HSD11B1: variants seen among roughly 807,000 people sequenced by gnomAD.
HSD11B1 encodes 11-beta-hydroxysteroid dehydrogenase 1.
Under a neutral mutation model 22.1 loss-of-function variants are expected in HSD11B1, and 15 were observed. The ratio of observed to expected loss-of-function variants is 0.68; its 90% confidence interval spans 0.45 to 1.04. HSD11B1 has a LOEUF of 1.04. Among genes scored for constraint, HSD11B1 ranks in the 50% least tolerant of loss-of-function variants. The probability of loss-of-function intolerance (pLI) is 0.00; values close to 1 mark genes in which losing one functional copy is unlikely to be tolerated. For missense variants in HSD11B1, 281 were observed against 357.6 expected, an observed-to-expected ratio of 0.79 and a Z score of 1.73; for synonymous variants, 122 against 125.2, an observed-to-expected ratio of 0.97 and a Z score of 0.17.
chr1:209,714,440 G>A (rs1016644690), intron 4 of HSD11B1, among the ~76,000 whole-genome samples: 1 of 152,198 alleles, frequency 6.6e-6, no homozygotes, highest in Non-Finnish European at 1.5e-5. Context: ...ATTCCCTGGA[G>A]CTAACAAATT....
intron 1 of HSD11B1, among the ~76,000 whole-genome samples, chr1:209,699,841 G>A (rs1021203211): frequency 6.6e-6 from 1 of 152,184 alleles, no homozygotes; most frequent in African/African-American, 2.4e-5. Flanking sequence ...CCAAATGGGA[G>A]AAATTGGCCA....
At chr1:209,692,490 T>C (rs947196766) in intron 1 of HSD11B1, among the ~76,000 whole-genome samples, 4 of 151,726 alleles carry the variant, frequency 2.6e-5, no homozygotes, top group Admixed American at 6.6e-5. Context: ...AGGAGGGTTC[T>C]GGCTGAAAGG....
At chr1:209,712,527 C>T (rs998383960) in intron 4 of HSD11B1, among the ~76,000 whole-genome samples, 2 of 152,098 alleles carry the variant, frequency 1.3e-5, no homozygotes, top group Non-Finnish European at 1.5e-5. Context: ...TATGCAAATA[C>T]TACATCATTT....
At chr1:209,724,854 A>AT (rs1395085933) in intron 4 of HSD11B1, among the ~76,000 whole-genome samples, 1 of 151,744 alleles carries the variant, frequency 6.6e-6, no homozygotes, top group Non-Finnish European at 1.5e-5. Flanking sequence ...TCTTCTCTTC[A>AT]TTTTTTTTCT....
At chr1:209,691,214 C>T (rs1445869388) in intron 1 of HSD11B1, among the ~76,000 whole-genome samples, 2 of 152,096 alleles carry the variant, frequency 1.3e-5, no homozygotes, top group East Asian at 1.9e-4. Context: ...AATCCTTACC[C>T]GGCCAAAAAA....
At chr1:209,694,121 A>G (rs796693917) in intron 1 of HSD11B1, among the ~76,000 whole-genome samples, 37 of 151,668 alleles carry the variant, frequency 2.4e-4, no homozygotes, top group African/African-American at 8.2e-4. Flanking sequence ...GGCTTCATCT[A>G]CTCCTATGGT....
At chr1:209,719,904 G>T (rs1050692922) in intron 4 of HSD11B1, among the ~76,000 whole-genome samples, 9 of 152,122 alleles carry the variant, frequency 5.9e-5, no homozygotes, top group South Asian at 2.1e-4. Flanking sequence ...AATCCTTTGG[G>T]TATATACCCA....
Position 209,732,596 on chromosome 1 carries a change from G to GTGT in HSD11B1, c.661+19_661+21dup. Reference sequence around the variant, plus strand: ...TAGACACAGGTAAGGTCAATACTTTGTGTTTTTTTTTAATTATTATACTTT... The same window carrying GTGT: ...TAGACACAGGTAAGGTCAATACTTTGTGTTGTTTTTTTTTAATTATTATACTTT... On this transcript the variant is annotated intron_variant, in intron 5 of 5. Coordinates refer to ENST00000367027, the MANE Select transcript of HSD11B1 (RefSeq NM_005525.4). 6.2e-7 allele frequency: 1 copy of GTGT among 1,607,392 alleles called. No homozygotes were observed. Among genetic ancestry groups the GTGT allele is most frequent in the South Asian group, 1.1e-5 (1 of 90,938 alleles).
intron 4 of HSD11B1, 66 bp downstream of exon 4, chr1:209,707,194 C>CA: frequency 1.5e-6 from 2 of 1,308,562 alleles, no homozygotes; most frequent in South Asian, 1.2e-5. Context: ...TGATGCCAGG[C>CA]TCTGAAGTAG....
At chr1:209,733,484 A>G (rs1016963233) in intron 5 of HSD11B1, among the ~76,000 whole-genome samples, 1 of 152,208 alleles carries the variant, frequency 6.6e-6, no homozygotes, top group Non-Finnish European at 1.5e-5. Flanking sequence ...TAAAAAGAAC[A>G]TTAGTGAAAA....
chr1:209,733,870 T>C (rs1371459892), intron 5 of HSD11B1, among the ~76,000 whole-genome samples: 1 of 152,170 alleles, frequency 6.6e-6, no homozygotes, highest in African/African-American at 2.4e-5. Flanking sequence ...GCCTGTATTC[T>C]TGTGTATCTC....
upstream of HSD11B1, among the ~76,000 whole-genome samples, chr1:209,704,625 C>T (rs1262820054): frequency 6.6e-6 from 1 of 152,130 alleles, no homozygotes; most frequent in Non-Finnish European, 1.5e-5. Flanking sequence ...AAGATGGACT[C>T]GGGTAGGGAT....
At chr1:209,713,011 T>C (rs2076908245) in intron 4 of HSD11B1, among the ~76,000 whole-genome samples, 1 of 152,074 alleles carries the variant, frequency 6.6e-6, no homozygotes, top group African/African-American at 2.4e-5. Context: ...ATCGCACCAC[T>C]GCACTCCAGA....
intron 1 of HSD11B1, among the ~76,000 whole-genome samples, chr1:209,693,126 A>T (rs1206108476): frequency 6.6e-6 from 1 of 152,180 alleles, no homozygotes; most frequent in Non-Finnish European, 1.5e-5. Flanking sequence ...AATTCTTAGC[A>T]TCCTAAATCT....
At chr1:209,691,558 A>G (rs1245876025) in intron 1 of HSD11B1, among the ~76,000 whole-genome samples, 1 of 145,698 alleles carries the variant, frequency 6.9e-6, no homozygotes, top group African/African-American at 2.5e-5. Flanking sequence ...TGAATTTTAT[A>G]TCTCTTGTCA....
At chr1:209,730,395 A>G (rs1423198922) in intron 4 of HSD11B1, among the ~76,000 whole-genome samples, 1 of 152,214 alleles carries the variant, frequency 6.6e-6, no homozygotes. Flanking sequence ...AGGAAAGGAG[A>G]AGGGCAAAAT....
In HSD11B1 at chr1:209,705,129, T is replaced by C. The variant is rs1488277736; in HGVS notation, c.88+99T>C. ...CAAGATGTGTTCTTGATCCTCAAAG[T>C]TGGTGAAAATGAGGGAACCCTGAGT... On this transcript the variant is annotated intron_variant, in intron 1 of 5. Transcript: ENST00000367027. 12 of 973,024 alleles carry C rather than the reference T, an allele frequency of 1.2e-5. No homozygotes were observed. The East Asian group carries it at 1.7e-4, about 14-fold the overall frequency. The allele number at this position is 973,024 out of a possible 1,614,324, so 60.3% of individuals were successfully genotyped here. A position where few individuals can be genotyped will look rare whatever the true frequency, so the allele number is the denominator to read the frequency against.
At chr1:209,715,280 T>C (rs1199942069) in intron 4 of HSD11B1, among the ~76,000 whole-genome samples, 1 of 152,190 alleles carries the variant, frequency 6.6e-6, no homozygotes, top group Non-Finnish European at 1.5e-5. Flanking sequence ...AGTTGTTTAA[T>C]ACACAAGGAC....
intron 1 of HSD11B1, among the ~76,000 whole-genome samples, chr1:209,705,400 T>C (rs984702764): frequency 2.1e-5 from 3 of 144,610 alleles, no homozygotes; most frequent in African/African-American, 7.7e-5. Flanking sequence ...AAACTGGAGA[T>C]GATGACTACA....
Sources: allele counts gnomAD v4.1 joint callset (sites outside exome capture counted in the v4.1 genomes callset), GRCh38; gene constraint gnomAD v4.1.1; transcripts MANE v1.5; gene names NCBI Gene and HGNC (gene_info 2026-07-23, HGNC 2026-07-21).